FAAH2: variants seen among roughly 807,000 people sequenced by gnomAD.
FAAH2 encodes the protein fatty acid amide hydrolase 2, also known as fatty-acid amide hydrolase 2.
Under a neutral mutation model 36.9 loss-of-function variants are expected in FAAH2, and 60 were observed. The ratio of observed to expected loss-of-function variants is 1.63; its 90% CI spans 1.32 to 2.02. FAAH2 has a LOEUF of 2.02. Among genes scored for constraint, FAAH2 ranks in the 30% most tolerant of loss-of-function variants. FAAH2 has a pLI of 0.00. For synonymous variants in FAAH2, 214 were observed against 143.8 expected, an observed-to-expected ratio of 1.49 and a Z score of -3.49; for missense variants, 689 against 397.5, an observed-to-expected ratio of 1.73 and a Z score of -6.23.
the FAAH2 span, among the ~76,000 whole-genome samples, chrX:57,229,603 G>A: frequency 9.0e-6 from 1 of 111,724 alleles, no homozygotes; most frequent in Admixed American, 9.5e-5. Flanking sequence ...TAGAATACCT[G>A]GAAGCCCTGG....
At chrX:57,487,649 C>A (rs182888969) in intron 10 of FAAH2, among the ~76,000 whole-genome samples, 2 of 111,811 alleles carry the variant, frequency 1.8e-5, no homozygotes, top group Non-Finnish European at 3.8e-5. Flanking sequence ...GTAACTGGGA[C>A]CCTCATACAT....
chrX:57,351,078 A>G (rs1370172620), intron 5 of FAAH2, among the ~76,000 whole-genome samples: 1 of 111,632 alleles, frequency 9.0e-6, no homozygotes, highest in Non-Finnish European at 1.9e-5. Flanking sequence ...AATATGAACC[A>G]CAGGATAGGC....
At chrX:57,401,122 CAAAAAT>C (rs1476740883) in intron 7 of FAAH2, among the ~76,000 whole-genome samples, 1 of 110,561 alleles carries the variant, frequency 9.0e-6, no homozygotes, top group Non-Finnish European at 1.9e-5. Context: ...GACTCTGTCT[CAAAAAT>C]AAATAAATAA....
intron 5 of FAAH2, among the ~76,000 whole-genome samples, chrX:57,356,349 TTAGA>T (rs1033175498): frequency 2.3e-4 from 26 of 110,871 alleles, no homozygotes; most frequent in Non-Finnish European, 4.2e-4. Context: ...AAAAAAAAAG[TTAGA>T]TAGAATTCTT....
At chrX:57,367,978 A>T (rs775644759) in intron 5 of FAAH2, among the ~76,000 whole-genome samples, 15 of 111,905 alleles carry the variant, frequency 1.3e-4, no homozygotes, top group African/African-American at 4.9e-4. Flanking sequence ...TGTCTTGCTC[A>T]TGAGGGCAAT....
chrX:57,381,572 G>T, intron 7 of FAAH2: 1 of 676,656 alleles, frequency 1.5e-6, no homozygotes, highest in Non-Finnish European at 1.8e-6. Context: ...AGCAATGGAA[G>T]ACAAAGAAGG....
chrX:57,153,949 A>T, the FAAH2 span, among the ~76,000 whole-genome samples: 4 of 112,290 alleles, frequency 3.6e-5, no homozygotes, highest in Non-Finnish European at 5.6e-5. Flanking sequence ...TCCCCCAAAT[A>T]TGTTTTCCAA....
chrX:57,476,976 T>A, intron 10 of FAAH2, among the ~76,000 whole-genome samples: 1 of 111,534 alleles, frequency 9.0e-6, no homozygotes, highest in South Asian at 3.8e-4. Context: ...TGTTTTCTAG[T>A]TTATTTGCAT....
chrX:57,143,729 T>C, the FAAH2 span, among the ~76,000 whole-genome samples: 30 of 111,534 alleles, frequency 2.7e-4, no homozygotes, highest in Admixed American at 2.8e-3. Context: ...TGACCCATCT[T>C]GGTTTCCCAA....
In FAAH2 at chrX:57,390,903, C is replaced by T. The variant is rs1043039854; in HGVS notation, c.996+9874C>T. ...TTTGGTTCTTTGAGAAACCTCCATA[C>T]TGTTTTCCACAGAAATTTTACTACT... On this transcript the variant is annotated intron_variant, in intron 7 of 10. Transcript: ENST00000374900. Among the ~76,000 whole-genome samples, 3 of 111,338 alleles carry T rather than the reference C, an allele frequency of 2.7e-5. No individual in the cohort carries two copies. The Admixed American group carries it at 2.9e-4, about 11-fold the overall frequency.
intron 5 of FAAH2, among the ~76,000 whole-genome samples, chrX:57,378,335 A>T: frequency 9.0e-6 from 1 of 111,219 alleles, no homozygotes; most frequent in African/African-American, 3.3e-5. Flanking sequence ...TTTTCCATAT[A>T]GGCTCTGCAG....
At chrX:57,193,906 T>C in the FAAH2 span, among the ~76,000 whole-genome samples, 15 of 111,935 alleles carry the variant, frequency 1.3e-4, no homozygotes, top group East Asian at 4.2e-3. Flanking sequence ...TAATGTATTG[T>C]TGAATTTGGT....
At chrX:57,329,432 T>C (rs2146991408) in intron 3 of FAAH2, among the ~76,000 whole-genome samples, 1 of 110,853 alleles carries the variant, frequency 9.0e-6, no homozygotes, top group African/African-American at 3.3e-5. Context: ...GCATGCCTAG[T>C]TTCTGCCGGC....
chrX:57,307,469 G>A (rs180868538), intron 2 of FAAH2, among the ~76,000 whole-genome samples: 84 of 110,867 alleles, frequency 7.6e-4, no homozygotes, highest in African/African-American at 2.7e-3. Context: ...GATTAATATT[G>A]TTCAATAGAA....
chrX:57,270,579 C>A, the FAAH2 span, among the ~76,000 whole-genome samples: 1 of 111,570 alleles, frequency 9.0e-6, no homozygotes, highest in Non-Finnish European at 1.9e-5. Context: ...TGTGCAGTTC[C>A]CAGCGAGATC....
intron 2 of FAAH2, among the ~76,000 whole-genome samples, chrX:57,302,012 C>A (rs2052386567): frequency 8.9e-6 from 1 of 112,048 alleles, no homozygotes; most frequent in East Asian, 2.8e-4. Flanking sequence ...TCTTGCTTGC[C>A]TGGAAAAGTA....
the FAAH2 span, among the ~76,000 whole-genome samples, chrX:57,149,809 A>C: frequency 5.9e-4 from 66 of 110,979 alleles, 1 homozygote; most frequent in Non-Finnish European, 1.3e-4. Context: ...CAGCTTTTGA[A>C]TGTGTTTGCT....
chrX:57,250,331 G>A, the FAAH2 span, among the ~76,000 whole-genome samples: 2 of 111,687 alleles, frequency 1.8e-5, no homozygotes, highest in African/African-American at 6.5e-5. Flanking sequence ...CATATCATTT[G>A]TAATGGCATC....
At chrX:57,243,338 G>A in the FAAH2 span, among the ~76,000 whole-genome samples, 1 of 112,095 alleles carries the variant, frequency 8.9e-6, no homozygotes. Context: ...GCAGACAAAT[G>A]TTCCTGCCTG....
Sources: gnomAD v4.1 joint callset for allele counts (sites outside exome capture counted in the v4.1 genomes callset) on GRCh38, gnomAD v4.1.1 for gene constraint, MANE v1.5 for transcripts, NCBI Gene and HGNC (gene_info 2026-07-23, HGNC 2026-07-21) for gene names.